SLAMF6: variants seen among roughly 807,000 people sequenced by gnomAD.
SLAMF6 encodes SLAM family member 6.
SLAMF6 carries 21 observed loss-of-function variants against 38.3 expected under a neutral mutation model. The observed-to-expected ratio is 0.55, with a 90% CI of 0.39 to 0.79. The LOEUF (loss-of-function observed/expected upper bound fraction) is 0.79, where lower values mean the gene tolerates loss of function less well. SLAMF6 is among the 30% of genes least tolerant of loss of function. SLAMF6 has a pLI of 0.00. For missense variants in SLAMF6, 341 were observed against 385.3 expected, an observed-to-expected ratio of 0.89 and a Z score of 0.96; for synonymous variants, 152 against 146.3, an observed-to-expected ratio of 1.04 and a Z score of -0.28.
chr1:160,522,309 G>A (rs916348860), intron 1 of SLAMF6, among the ~76,000 whole-genome samples: 1 of 152,186 alleles, frequency 6.6e-6, no homozygotes, highest in African/African-American at 2.4e-5. Context: ...CTCATAACGT[G>A]TGTACAGCAC....
At chr1:160,490,802 G>A (rs1653247831) in intron 3 of SLAMF6, 117 bp from the exon 4 acceptor site, 1 of 1,461,214 alleles carries the variant, frequency 6.8e-7, no homozygotes, top group Non-Finnish European at 9.1e-7. Context: ...TTTGTCTATA[G>A]CCGGAGGCTC....
chr1:160,499,434 C>T (rs146203459), intron 1 of SLAMF6, among the ~76,000 whole-genome samples: 158 of 152,172 alleles, frequency 1.0e-3, no homozygotes, highest in Middle Eastern at 3.4e-3. Context: ...GTTTGTGTAA[C>T]GGTACCATGC....
intron 3 of SLAMF6, 161 bp downstream of exon 3, chr1:160,490,964 C>T: frequency 4.1e-6 from 4 of 973,698 alleles, no homozygotes; most frequent in Non-Finnish European, 4.6e-6. Context: ...GGAGAGTCCT[C>T]TGGGAGTACT....
chr1:160,503,430 C>T (rs1654017276), intron 1 of SLAMF6, among the ~76,000 whole-genome samples: 1 of 151,734 alleles, frequency 6.6e-6, no homozygotes. Context: ...TGGGAAAATC[C>T]GCAATCACTT....
intron 2 of SLAMF6, among the ~76,000 whole-genome samples, chr1:160,495,303 T>A (rs1653515790): frequency 6.6e-6 from 1 of 152,218 alleles, no homozygotes; most frequent in African/African-American, 2.4e-5. Flanking sequence ...TCTAAAGCCA[T>A]TAATGGCATC....
chr1:160,499,005 G>A (rs1204153735), intron 1 of SLAMF6, among the ~76,000 whole-genome samples: 1 of 152,126 alleles, frequency 6.6e-6, no homozygotes, highest in Non-Finnish European at 1.5e-5. Context: ...CTCTCATTCT[G>A]TAAGATGTCT....
At chr1:160,502,670 AAGAGAGG>A (rs1328183100) in intron 1 of SLAMF6, among the ~76,000 whole-genome samples, 1 of 152,206 alleles carries the variant, frequency 6.6e-6, no homozygotes, top group African/African-American at 2.4e-5. Flanking sequence ...TGTCTTAGGA[AAGAGAGG>A]AGAGAGGTAG....
intron 1 of SLAMF6, among the ~76,000 whole-genome samples, chr1:160,515,942 A>G (rs537520300): frequency 6.6e-6 from 1 of 152,328 alleles, no homozygotes; most frequent in South Asian, 2.1e-4. Context: ...GAAAACCAGC[A>G]TAAGACAAGG....
chr1:160,503,376 T>C (rs1284648705), intron 1 of SLAMF6, among the ~76,000 whole-genome samples: 3 of 152,136 alleles, frequency 2.0e-5, no homozygotes, highest in South Asian at 4.2e-4. Flanking sequence ...CAGTTTTGCA[T>C]TGGCTGGTGC....
chr1:160,499,165 T>C (rs1052361440), intron 1 of SLAMF6, among the ~76,000 whole-genome samples: 1 of 152,138 alleles, frequency 6.6e-6, no homozygotes, highest in Non-Finnish European at 1.5e-5. Context: ...GTATTTCCTA[T>C]TTTTTTCTAG....
intron 1 of SLAMF6, among the ~76,000 whole-genome samples, chr1:160,498,540 C>G (rs1029801196): frequency 3.3e-5 from 5 of 152,104 alleles, no homozygotes; most frequent in African/African-American, 1.2e-4. Flanking sequence ...ATAAAACCAT[C>G]AGAACTCATG....
intron 1 of SLAMF6, among the ~76,000 whole-genome samples, chr1:160,500,100 G>A (rs942376857): frequency 6.6e-6 from 1 of 152,188 alleles, no homozygotes; most frequent in Non-Finnish European, 1.5e-5. Flanking sequence ...GAGTATAAAG[G>A]AAGGATCCTG....
intron 1 of SLAMF6, among the ~76,000 whole-genome samples, chr1:160,515,522 C>T (rs753795862): frequency 1.3e-5 from 2 of 152,164 alleles, no homozygotes; most frequent in Non-Finnish European, 2.9e-5. Flanking sequence ...CCAGTATCAT[C>T]CTGATACCAA....
chr1:160,493,933 TG>T (rs1557936723), intron 2 of SLAMF6, among the ~76,000 whole-genome samples: 1 of 152,032 alleles, frequency 6.6e-6, no homozygotes, highest in Non-Finnish European at 1.5e-5. Flanking sequence ...GAGAACAGCA[TG>T]GGGGAAACCT....
intron 1 of SLAMF6, among the ~76,000 whole-genome samples, chr1:160,511,014 C>A (rs1371021109): frequency 6.6e-6 from 1 of 151,998 alleles, no homozygotes; most frequent in Non-Finnish European, 1.5e-5. Flanking sequence ...AAATACCTGG[C>A]AATAATTTAA....
At chr1:160,518,080 T>C (rs1300980400) in intron 1 of SLAMF6, among the ~76,000 whole-genome samples, 1 of 151,710 alleles carries the variant, frequency 6.6e-6, no homozygotes, top group Non-Finnish European at 1.5e-5. Flanking sequence ...TCTGTAACTA[T>C]GAATTCCATT....
At chr1:160,488,868 T>C (rs1384983705) in intron 6 of SLAMF6, among the ~76,000 whole-genome samples, 1 of 152,078 alleles carries the variant, frequency 6.6e-6, no homozygotes, top group African/African-American at 2.4e-5. Flanking sequence ...CATCAAGCGG[T>C]TGGAGAACTG....
rs1652969983 is a variant in SLAMF6, at chr1:160,486,537, T to C, written c.*170A>G. The C allele has an allele frequency of 1.6e-6, 1 of 627,250 alleles. No individual in the cohort carries two copies. 38.9% of individuals were successfully genotyped at this position (627,250 alleles called of 1,614,324 possible). The stretch of plus-strand genomic sequence containing the variant: ...TGGAAATGATGTTATCCTTAGGTGT[T>C]TGACTCAGGTAGGCAGGTTTAAGTC... On this transcript the variant is annotated 3_prime_UTR_variant, in exon 8 of 8. Transcript: ENST00000368057.
At chr1:160,497,797 C>A (rs989243056) in intron 1 of SLAMF6, among the ~76,000 whole-genome samples, 1 of 152,130 alleles carries the variant, frequency 6.6e-6, no homozygotes. Context: ...CGTGTTACTG[C>A]AAAAGACATG....
Sources: allele counts gnomAD v4.1 joint callset (sites outside exome capture counted in the v4.1 genomes callset), GRCh38; gene constraint gnomAD v4.1.1; transcripts MANE v1.5; gene names NCBI Gene and HGNC (gene_info 2026-07-23, HGNC 2026-07-21).